The following MARCHF10 variants were observed in gnomAD, a reference collection of about 807,000 sequenced individuals.
MARCHF10 encodes probable E3 ubiquitin-protein ligase MARCHF10.
A neutral mutation model predicts 76.2 loss-of-function variants in MARCHF10; 64 were observed. The observed-to-expected ratio is 0.84, with a 90% CI of 0.69 to 1.03. The LOEUF (loss-of-function observed/expected upper bound fraction) is 1.03. Ranked by LOEUF, MARCHF10 falls within the 50% of genes least tolerant of loss-of-function variation. The pLI is 0.00. For synonymous variants in MARCHF10, 340 were observed against 357.5 expected (o/e 0.95, Z 0.55); for missense variants, 875 against 958.0 (o/e 0.91, Z 1.14).
At chr17:62,729,408 A>T (rs2090914416) in intron 6 of MARCHF10, among the ~76,000 whole-genome samples, 1 of 150,192 alleles carries the variant, frequency 6.7e-6, no homozygotes, top group Admixed American at 6.6e-5. Flanking sequence ...TTAAATTAGG[A>T]TGGGCAATAA....
chr17:62,730,207 C>G (rs1343309928), intron 6 of MARCHF10, among the ~76,000 whole-genome samples: 2 of 151,592 alleles, frequency 1.3e-5, no homozygotes, highest in African/African-American at 4.8e-5. Context: ...GAAAAAAAAA[C>G]CACACAACAA....
In MARCHF10 at chr17:62,722,807, TC is replaced by T. The variant is rs573510801; in HGVS notation, c.2105-211del. 9.9e-5 allele frequency among the ~76,000 whole-genome samples: 15 copies of T among 152,282 alleles called. No homozygotes were observed. In the East Asian group the frequency reaches 2.9e-3, roughly 29 times the overall value. ...TTTGTAGTCATCTATTATGCAAGCT[TC>T]ATAGAAGTGAAATTCCCACGACTTT... On this transcript the variant is annotated intron_variant, in intron 7 of 10. Transcript: ENST00000311269.
rs150939806 is a variant in MARCHF10, at chr17:62,758,057, T to C, written c.382+1778A>G. 1.4e-3 allele frequency among the ~76,000 whole-genome samples: 215 copies of C among 152,334 alleles called. 1 individual carries two copies. The highest frequency in any genetic ancestry group is 2.2e-3 in the Non-Finnish European group (150 of 68,036). On this transcript the variant is annotated intron_variant, in intron 4 of 10. Coordinates refer to ENST00000311269, the MANE Select transcript of MARCHF10 (RefSeq NM_152598.4). ...ACACTATACAAACAACCACCTGATT[T>C]TAGCAAGAGGGCTAAAAATTATATT...
chr17:62,715,873 G>A (rs796695781), intron 8 of MARCHF10, among the ~76,000 whole-genome samples: 6 of 152,190 alleles, frequency 3.9e-5, no homozygotes, highest in South Asian at 2.1e-4. Context: ...CCCACCAGAA[G>A]TACAGAACTA....
intron 3 of MARCHF10, among the ~76,000 whole-genome samples, chr17:62,771,955 A>G (rs1478868966): frequency 1.3e-5 from 2 of 152,164 alleles, no homozygotes; most frequent in African/African-American, 4.8e-5. Flanking sequence ...ACTGGTTAGG[A>G]GGCCACTGCA....
chr17:62,724,959 G>GCCACTTTT lies in MARCHF10; in HGVS notation c.2075_2082dup (p.Leu695LysfsTer4). On this transcript the variant is annotated frameshift_variant, in exon 7 of 11. Transcript: ENST00000311269. LOFTEE classifies it high-confidence loss of function. The stretch of plus-strand genomic sequence containing the variant: ...CTACCTGATGTTATTTTCACTTTCA[G>GCCACTTTT]CCACTTTTTCAGGCACTCTTGATGA... 6.2e-7 allele frequency: 1 copy of GCCACTTTT among 1,611,800 alleles called. No homozygotes were observed.
intron 2 of MARCHF10, 152 bp from the exon 3 acceptor site, chr17:62,788,751 T>C: frequency 8.6e-7 from 1 of 1,163,010 alleles, no homozygotes; most frequent in Non-Finnish European, 1.2e-6. Context: ...AGACCAGGTA[T>C]CACTCTTCCC....
At chr17:62,727,985 C>T (rs1007454236) in intron 6 of MARCHF10, among the ~76,000 whole-genome samples, 43 of 152,192 alleles carry the variant, frequency 2.8e-4, no homozygotes, top group Non-Finnish European at 4.4e-4. Flanking sequence ...GTGCCTCTCC[C>T]AGGGGAACAT....
chr17:62,771,574 ATTTTTTT>A (rs1207861655), intron 3 of MARCHF10, among the ~76,000 whole-genome samples: 5 of 126,250 alleles, frequency 4.0e-5, no homozygotes, highest in African/African-American at 1.5e-4. Context: ...GTCAATATCT[ATTTTTTT>A]TTTTTTTTTT....
chr17:62,713,531 C>T (rs1245138529), intron 8 of MARCHF10, among the ~76,000 whole-genome samples: 5 of 152,192 alleles, frequency 3.3e-5, no homozygotes, highest in African/African-American at 7.2e-5. Context: ...CCTTTATGTG[C>T]GCCCTTTGCA....
chr17:62,749,790 T>C (rs951565941), intron 4 of MARCHF10, among the ~76,000 whole-genome samples: 3 of 152,208 alleles, frequency 2.0e-5, no homozygotes, highest in African/African-American at 7.2e-5. Flanking sequence ...TGGTTCTGAA[T>C]GGGTTTTGGT....
chr17:62,786,509 T>C (rs1336333344), intron 3 of MARCHF10, among the ~76,000 whole-genome samples: 1 of 152,198 alleles, frequency 6.6e-6, no homozygotes, highest in Non-Finnish European at 1.5e-5. Flanking sequence ...TGTGCACATG[T>C]ACCCTAGTAC....
chr17:62,703,317 G>T (rs1434841230), intron 10 of MARCHF10: 1 of 152,360 alleles, frequency 6.6e-6, no homozygotes, highest in Non-Finnish European at 1.5e-5. Context: ...CTCACCTCCG[G>T]CAACCCATAT....
chr17:62,803,902 C>T (rs1299168323), intron 1 of MARCHF10, among the ~76,000 whole-genome samples: 1 of 152,128 alleles, frequency 6.6e-6, no homozygotes, highest in African/African-American at 2.4e-5. Context: ...TTCTCAACAA[C>T]GCAGTGAGGC....
At chr17:62,778,008 T>C (rs934207168) in intron 3 of MARCHF10, among the ~76,000 whole-genome samples, 4 of 152,228 alleles carry the variant, frequency 2.6e-5, no homozygotes, top group African/African-American at 9.6e-5. Flanking sequence ...GGAGCTCCTA[T>C]TATGTGCTAG....
At chr17:62,803,589 G>A (rs1009478887) in intron 1 of MARCHF10, among the ~76,000 whole-genome samples, 19 of 152,032 alleles carry the variant, frequency 1.2e-4, no homozygotes, top group African/African-American at 3.9e-4. Flanking sequence ...GGGCTATCTC[G>A]GCTCACCACA....
At chr17:62,732,191 G>A (rs561769252) in intron 6 of MARCHF10, among the ~76,000 whole-genome samples, 10 of 152,192 alleles carry the variant, frequency 6.6e-5, no homozygotes, top group South Asian at 2.1e-4. Flanking sequence ...AGTCAATATC[G>A]CAAATATGTC....
At chr17:62,749,084 G>T (rs960234125) in intron 4 of MARCHF10, among the ~76,000 whole-genome samples, 3 of 152,164 alleles carry the variant, frequency 2.0e-5, no homozygotes, top group African/African-American at 7.2e-5. Flanking sequence ...TCTGAGAAAG[G>T]TGATGCCTCC....
Position 62,759,989 on chromosome 17 carries a change from A to G in MARCHF10, c.228T>C (p.Asp76=), listed in dbSNP as rs777821589. The change falls in exon 4 of 11, where the codon GAT becomes GAC. Residue 76 remains aspartate, a synonymous_variant. Coordinates refer to ENST00000311269, the MANE Select transcript of MARCHF10 (RefSeq NM_152598.4). The part of the protein sequence containing the change: ...SSSKQSSSEE[D]ALTEPRSSIK... ...TAGATGACCTTGGTTCAGTTAGAGC[A>G]TCCTCCTCACTAGAACTCTACCAAA... The G allele has an allele frequency of 1.9e-6, 3 of 1,614,056 alleles. No individual in the cohort carries two copies. The highest frequency in any genetic ancestry group is 2.5e-6 in the Non-Finnish European group (3 of 1,179,976).
Sources: allele counts gnomAD v4.1 joint callset (sites outside exome capture counted in the v4.1 genomes callset), GRCh38; gene constraint gnomAD v4.1.1; transcripts MANE v1.5; gene names NCBI Gene and HGNC (gene_info 2026-07-23, HGNC 2026-07-21).